Variants in ARHGEF4 observed in about 807,000 individuals in gnomAD.
ARHGEF4 encodes Rho guanine nucleotide exchange factor 4, also known as APC-stimulated guanine nucleotide exchange factor 1.
A neutral mutation model predicts 162.0 loss-of-function variants in ARHGEF4; 119 were observed. The observed-to-expected ratio is 0.73, with a 90% CI of 0.63 to 0.86. The LOEUF (loss-of-function observed/expected upper bound fraction) is 0.86, where lower values mean the gene tolerates loss of function less well. Ranked by LOEUF, ARHGEF4 falls within the 40% of genes least tolerant of loss-of-function variation. The pLI, the probability that ARHGEF4 is intolerant of heterozygous loss-of-function variation, is 0.00. For synonymous variants in ARHGEF4, 1,014 were observed against 979.9 expected, an observed-to-expected ratio of 1.03 and a Z score of -0.65; for missense variants, 2,488 against 2,456.0, an observed-to-expected ratio of 1.01 and a Z score of -0.28.
intron 1 of ARHGEF4, among the ~76,000 whole-genome samples, chr2:130,839,562 T>C (rs1680459402): frequency 6.6e-6 from 1 of 152,164 alleles, no homozygotes; most frequent in Non-Finnish European, 1.5e-5. Flanking sequence ...ATGACAGTCG[T>C]GTGGCAGAGT....
At chr2:131,030,233 C>T (rs542063043) in intron 5 of ARHGEF4, among the ~76,000 whole-genome samples, 2 of 57,502 alleles carry the variant, frequency 3.5e-5, no homozygotes, top group Non-Finnish European at 6.2e-5. Flanking sequence ...TTGCTGCTGG[C>T]GAAGAGGTGT....
intron 4 of ARHGEF4, among the ~76,000 whole-genome samples, chr2:130,984,052 A>C (rs1686302848): frequency 6.6e-6 from 1 of 152,262 alleles, no homozygotes; most frequent in South Asian, 2.1e-4. Flanking sequence ...ACAAAGATCC[A>C]ATAGCTTTTA....
At chr2:131,004,397 CT>C (rs1460488064) in intron 4 of ARHGEF4, among the ~76,000 whole-genome samples, 1 of 152,212 alleles carries the variant, frequency 6.6e-6, no homozygotes, top group African/African-American at 2.4e-5. Flanking sequence ...AATCACCTGA[CT>C]TCATGATCCC....
At chr2:131,039,338 A>G in intron 6 of ARHGEF4, 1 of 1,177,414 alleles carries the variant, frequency 8.5e-7, no homozygotes, top group Non-Finnish European at 1.1e-6. Context: ...AGCCCTGAAG[A>G]GCACTGATAG....
At chr2:130,869,241 G>A (rs770622666) in intron 1 of ARHGEF4, among the ~76,000 whole-genome samples, 68 of 152,202 alleles carry the variant, frequency 4.5e-4, no homozygotes, top group Admixed American at 5.9e-4. Context: ...CTGCAGAGTG[G>A]TTGGGAAGCT....
At chr2:130,958,015 CAA>C (rs34565820) in intron 4 of ARHGEF4, among the ~76,000 whole-genome samples, 1 of 138,718 alleles carries the variant, frequency 7.2e-6, no homozygotes, top group Admixed American at 7.2e-5. Flanking sequence ...TTAAAAGGAA[CAA>C]AAAAAAAAAA....
intron 4 of ARHGEF4, among the ~76,000 whole-genome samples, chr2:131,024,195 C>T (rs1689324949): frequency 6.6e-6 from 1 of 151,504 alleles, no homozygotes; most frequent in African/African-American, 2.5e-5. Flanking sequence ...TGCACAGTGC[C>T]GTCTGTACTA....
chr2:130,917,312 C>G lies in ARHGEF4; in HGVS notation c.3366C>G (p.Ser1122Arg), dbSNP rs1217204780. 7 of 1,550,480 alleles carry G rather than the reference C, an allele frequency of 4.5e-6. No individual in the cohort carries two copies. In the African/African-American group the frequency reaches 8.2e-5, roughly 18 times the overall value. ...CCATCTCCATGGTTTCTCTTGGAAG[C>G]TACAGCTACGTGGACAGCAGTTCAG... is the stretch of plus-strand genomic sequence containing the variant. ...GSAISMVSLG[S>R]YSYVDSSSGD... is the part of the protein sequence containing the mutation. Residue 1122 changes from serine (S) to arginine (R), a missense_variant, in exon 2 of 14, where the codon AGC (serine) becomes AGG (arginine). Transcript: ENST00000409359.
At chr2:130,925,578 G>T (rs1682189657) in intron 2 of ARHGEF4, among the ~76,000 whole-genome samples, 1 of 152,136 alleles carries the variant, frequency 6.6e-6, no homozygotes. Context: ...CATTACTGAA[G>T]AATATTTTCA....
At chr2:131,004,055 C>G (rs1687946728) in intron 4 of ARHGEF4, among the ~76,000 whole-genome samples, 3 of 152,132 alleles carry the variant, frequency 2.0e-5, no homozygotes, top group African/African-American at 7.2e-5. Context: ...CCTGGGGACA[C>G]CAGACCCACC....
In ARHGEF4 at chr2:130,914,411, A is replaced by G; in HGVS notation, c.465A>G (p.Glu155=). 6.9e-7 allele frequency: 1 copy of G among 1,443,402 alleles called. No homozygotes were observed. Among genetic ancestry groups the G allele is most frequent in the Non-Finnish European group, 9.1e-7 (1 of 1,104,264 alleles). The allele number at this position is 1,443,402 out of a possible 1,614,324, so 89.4% of individuals were successfully genotyped here. A position where few individuals can be genotyped will look rare whatever the true frequency, so the allele number is the denominator to read the frequency against. Residue 155 remains glutamate, a synonymous_variant, in exon 2 of 14, where the codon GAA becomes GAG. Transcript: ENST00000409359. Reference sequence around the variant, plus strand: ...GAGCCTTTGCCACAGTTGCTGGAGAACAGGAGGCAGGACACCTCTGGGACT... The same window carrying G: ...GAGCCTTTGCCACAGTTGCTGGAGAGCAGGAGGCAGGACACCTCTGGGACT... The part of the protein sequence containing the change: ...GWRAFATVAG[E]QEAGHLWDCA...
Position 131,040,005 on chromosome 2 carries a change from A to T in ARHGEF4, c.4306-11A>T. ...GATGCGGGGCACTGACCGGCCACGC[A>T]TGGCCTGCAGCTGAGGGTGAATCAG... On this transcript the variant is annotated splice_polypyrimidine_tract_variant and intron_variant, in intron 6 of 13. Coordinates refer to ENST00000409359, the MANE Select transcript of ARHGEF4 (RefSeq NM_001367493.1). 1 of 1,552,820 alleles carries T rather than the reference A, an allele frequency of 6.4e-7. No individual in the cohort carries two copies. The highest frequency in any genetic ancestry group is 8.7e-7 in the Non-Finnish European group (1 of 1,149,154).
intron 1 of ARHGEF4, among the ~76,000 whole-genome samples, chr2:130,913,690 G>T (rs965109023): frequency 6.6e-6 from 1 of 152,222 alleles, no homozygotes; most frequent in Non-Finnish European, 1.5e-5. Context: ...CATGACTCAT[G>T]CAACATTTTT....
At chr2:130,948,783 A>G (rs1457738002) in intron 4 of ARHGEF4, among the ~76,000 whole-genome samples, 1 of 152,202 alleles carries the variant, frequency 6.6e-6, no homozygotes, top group African/African-American at 2.4e-5. Context: ...TTTTTTTCTC[A>G]GAAATTCTGC....
At position 130,885,627 on chromosome 2, in the gene ARHGEF4, T is replaced by C. The variant is rs901147317; in HGVS notation, c.40-28359T>C. ...CTCTGTCGCCCAGTCTGGAATGCAG[T>C]TGTGCAATCTCGGCTCACTGCAACC... is the stretch of plus-strand genomic sequence containing the variant. On this transcript the variant is annotated intron_variant, in intron 1 of 13. Coordinates refer to ENST00000409359, the MANE Select transcript of ARHGEF4 (RefSeq NM_001367493.1). 2.0e-5 allele frequency among the ~76,000 whole-genome samples: 3 copies of C among 149,674 alleles called. No homozygotes were observed. The East Asian group carries it at 5.9e-4, about 29-fold the overall frequency.
At chr2:130,837,099 C>A (rs1000031829) in intron 1 of ARHGEF4, 107 bp downstream of exon 1, 55 of 1,080,206 alleles carry the variant, frequency 5.1e-5, no homozygotes, top group Non-Finnish European at 6.4e-5. Flanking sequence ...CCCCTGGGCA[C>A]CCGGTGGGTG....
intron 4 of ARHGEF4, among the ~76,000 whole-genome samples, chr2:130,965,408 T>C (rs1223513950): frequency 6.6e-6 from 1 of 152,222 alleles, no homozygotes; most frequent in Non-Finnish European, 1.5e-5. Flanking sequence ...ACGCATGAAA[T>C]TCAGAAAAGT....
chr2:130,924,482 G>A (rs1682107961), intron 2 of ARHGEF4, among the ~76,000 whole-genome samples: 1 of 152,148 alleles, frequency 6.6e-6, no homozygotes, highest in African/African-American at 2.4e-5. Flanking sequence ...TGGCCAGGCT[G>A]GTCTCGAACT....
intron 4 of ARHGEF4, among the ~76,000 whole-genome samples, chr2:130,992,909 C>T (rs1173313317): frequency 6.6e-6 from 1 of 152,114 alleles, no homozygotes; most frequent in Non-Finnish European, 1.5e-5. Flanking sequence ...CATGGCAAAA[C>T]GCCGTCTCTA....
Sources: allele counts gnomAD v4.1 joint callset (sites outside exome capture counted in the v4.1 genomes callset), GRCh38; gene constraint gnomAD v4.1.1; transcripts MANE v1.5; gene names NCBI Gene and HGNC (gene_info 2026-07-23, HGNC 2026-07-21).